Variants in CHP1 observed in about 807,000 individuals in gnomAD.
CHP1 encodes the protein calcineurin like EF-hand protein 1.
CHP1 carries 11 observed loss-of-function variants against 27.4 expected under a neutral mutation model. That is an observed-to-expected ratio of 0.40 (90% CI 0.25 to 0.67). The LOEUF is 0.67. CHP1 is among the 30% of genes least tolerant of loss of function. The pLI, the probability that CHP1 is intolerant of heterozygous loss-of-function variation, is 0.38. For missense variants in CHP1, 169 were observed against 251.3 expected (o/e 0.67, Z 2.22); for synonymous variants, 89 against 87.4 (o/e 1.02, Z -0.10).
chr15:41,232,321 C>T (rs2047252586), intron 1 of CHP1, among the ~76,000 whole-genome samples: 2 of 151,616 alleles, frequency 1.3e-5, no homozygotes, highest in African/African-American at 4.9e-5. Flanking sequence ...AGCAGTTCTC[C>T]TGCCTCAGCC....
At chr15:41,264,025 G>A (rs1595479738) in intron 4 of CHP1, 3 of 406,460 alleles carry the variant, frequency 7.4e-6, no homozygotes, top group Non-Finnish European at 1.4e-5. Flanking sequence ...CCGGCAGGAG[G>A]GTTGATTCTG....
chr15:41,241,055 G>C (rs1357188228), intron 1 of CHP1, among the ~76,000 whole-genome samples: 1 of 152,156 alleles, frequency 6.6e-6, no homozygotes, highest in Admixed American at 6.5e-5. Context: ...GTTTCGCCAT[G>C]TTGGCCAGGA....
chr15:41,262,886 A>G lies in CHP1; in HGVS notation c.349+3A>G. The G allele has an allele frequency of 6.2e-7, 1 of 1,613,212 alleles. No individual in the cohort carries two copies. Among genetic ancestry groups the G allele is most frequent in the Non-Finnish European group, 8.5e-7 (1 of 1,179,696 alleles). On this transcript the variant is annotated splice_donor_region_variant and intron_variant, in intron 4 of 6. Transcript: ENST00000334660. ...CAGCCGAAGCAACAAACTGCACTGT[A>G]AGGAGCTAAAGTCTTCTGGCTTAAA... is the stretch of plus-strand genomic sequence containing the variant.
intron 4 of CHP1, chr15:41,264,084 G>C: frequency 2.8e-6 from 2 of 708,886 alleles, no homozygotes; most frequent in Non-Finnish European, 4.3e-6. Context: ...CTCATAGTCT[G>C]TTTTATCCTA....
intron 1 of CHP1, among the ~76,000 whole-genome samples, chr15:41,235,338 G>A (rs145648905): frequency 8.2e-4 from 124 of 152,054 alleles, no homozygotes; most frequent in African/African-American, 2.9e-3. Context: ...GGCAACATAG[G>A]GAAACCCCAT....
At chr15:41,232,923 C>T (rs922722681) in intron 1 of CHP1, among the ~76,000 whole-genome samples, 1 of 152,170 alleles carries the variant, frequency 6.6e-6, no homozygotes, top group African/African-American at 2.4e-5. Flanking sequence ...TCTAGCCCCA[C>T]CCCTTTCTGG....
rs1395913468 is a variant in CHP1, at chr15:41,231,318, C to T, written c.-65C>T. ...TTGACCCCTAGCCCTTCCTTCCCTC[C>T]CTCCTTCCCTCCTGTCGCCGTCTCT... On this transcript the variant is annotated 5_prime_UTR_variant, in exon 1 of 7. Coordinates refer to ENST00000334660, the MANE Select transcript of CHP1 (RefSeq NM_007236.5). 6.8e-7 allele frequency: 1 copy of T among 1,465,658 alleles called. No homozygotes were observed. Among genetic ancestry groups the T allele is most frequent in the African/African-American group, 1.4e-5 (1 of 71,694 alleles). 90.8% of individuals were successfully genotyped at this position (1,465,658 alleles called of 1,614,324 possible).
chr15:41,246,045 C>T (rs1019255477), intron 2 of CHP1, among the ~76,000 whole-genome samples: 1 of 152,016 alleles, frequency 6.6e-6, no homozygotes, highest in African/African-American at 2.4e-5. Context: ...TGTACCAGCA[C>T]CATTCGTTGA....
intron 2 of CHP1, among the ~76,000 whole-genome samples, chr15:41,249,751 C>T (rs2140929272): frequency 6.6e-6 from 1 of 152,018 alleles, no homozygotes; most frequent in Non-Finnish European, 1.5e-5. Context: ...AGATTACAGG[C>T]GTAAGCCACT....
chr15:41,270,442 T>C (rs2047482904), intron 4 of CHP1, 115 bp from the exon 5 acceptor site: 1 of 761,704 alleles, frequency 1.3e-6, no homozygotes, highest in Non-Finnish European at 2.2e-6. Context: ...CAATTGTTCT[T>C]GGAAAATCGA....
chr15:41,253,913 T>C (rs2047384779), intron 2 of CHP1, among the ~76,000 whole-genome samples: 1 of 151,622 alleles, frequency 6.6e-6, no homozygotes. Context: ...GCTTCCCAAG[T>C]AGCTGGGACT....
intron 1 of CHP1, among the ~76,000 whole-genome samples, chr15:41,233,248 T>C (rs1478163115): frequency 6.6e-6 from 1 of 151,982 alleles, no homozygotes; most frequent in Non-Finnish European, 1.5e-5. Context: ...TGTTAAAGAG[T>C]CACATGGAGA....
Position 41,231,352 on chromosome 15 carries a change from C to T in CHP1, c.-31C>T, listed in dbSNP as rs548757605. On this transcript the variant is annotated 5_prime_UTR_variant, in exon 1 of 7. Transcript: ENST00000334660. ...CTCCTGTCGCCGTCTCTTCTGGCGCCGCTGCTCCCGGAGGAGCTCCCGGCA... is the reference window on the plus strand; with the variant it reads ...CTCCTGTCGCCGTCTCTTCTGGCGCTGCTGCTCCCGGAGGAGCTCCCGGCA... 9.5e-6 allele frequency: 15 copies of T among 1,578,236 alleles called. No individual in the cohort carries two copies. The African/African-American group carries it at 2.0e-4, about 21-fold the overall frequency.
intron 3 of CHP1, among the ~76,000 whole-genome samples, chr15:41,259,794 C>T (rs1292125668): frequency 2.0e-5 from 3 of 152,068 alleles, no homozygotes; most frequent in Non-Finnish European, 4.4e-5. Flanking sequence ...CCTCTGTCTC[C>T]CAGGCTGGCA....
At chr15:41,249,736 T>TCCTGCCTTG (rs2047355631) in intron 2 of CHP1, among the ~76,000 whole-genome samples, 1 of 152,104 alleles carries the variant, frequency 6.6e-6, no homozygotes, top group Admixed American at 6.6e-5. Flanking sequence ...CCTCCCAAAG[T>TCCTGCCTTG]GCTAAGATTA....
Position 41,231,268 on chromosome 15 carries a change from A to T in CHP1, c.-115A>T. ...CCCCTGGGTTCCCTCCCGGGTCCGC[A>T]GTGGAAACACTGCCCTCTCCCTTCT... is the stretch of plus-strand genomic sequence containing the variant. On this transcript the variant is annotated 5_prime_UTR_variant, in exon 1 of 7. Transcript: ENST00000334660. The T allele has an allele frequency of 9.5e-7, 1 of 1,052,674 alleles. No homozygotes were observed. Among genetic ancestry groups the T allele is most frequent in the African/African-American group, 1.6e-5 (1 of 63,290 alleles). 65.2% of individuals were successfully genotyped at this position (1,052,674 alleles called of 1,614,324 possible).
rs1185448986 is a variant in CHP1 at position 41,280,537 on chromosome 15, CAG to C, written c.*1151_*1152del. The stretch of plus-strand genomic sequence containing the variant: ...TTTTTTTTTTTTTTTTTTTTTGAGA[CAG>C]AGTCTTGCTCTGTCACCCAGGCTGG... On this transcript the variant is annotated 3_prime_UTR_variant, in exon 7 of 7. Coordinates refer to ENST00000334660, the MANE Select transcript of CHP1 (RefSeq NM_007236.5). 1 of 94,968 alleles carries C rather than the reference CAG, an allele frequency of 1.1e-5. No homozygotes were observed. The highest frequency in any genetic ancestry group is 4.0e-5 in the African/African-American group (1 of 24,752). 5.9% of individuals were successfully genotyped at this position (94,968 alleles called of 1,614,324 possible).
At chr15:41,235,221 A>G (rs981330291) in intron 1 of CHP1, among the ~76,000 whole-genome samples, 4 of 151,772 alleles carry the variant, frequency 2.6e-5, no homozygotes, top group African/African-American at 9.7e-5. Flanking sequence ...GCTGTGAATT[A>G]CTTAAAACTT....
At position 41,279,472 on chromosome 15, in the gene CHP1, C is replaced by A. The variant is rs190703643; in HGVS notation, c.*83C>A. 6 of 1,116,476 alleles carry A rather than the reference C, an allele frequency of 5.4e-6. No individual in the cohort carries two copies. The East Asian group carries it at 7.2e-5, about 13-fold the overall frequency. 69.2% of individuals were successfully genotyped at this position (1,116,476 alleles called of 1,614,324 possible). A position where few individuals can be genotyped will look rare whatever the true frequency, so the allele number is the denominator to read the frequency against. ...CCTTCTACCAACTCCACCTCCACCC[C>A]CTCATTCCCCTTCTCCCAAAGTACT... On this transcript the variant is annotated 3_prime_UTR_variant, in exon 7 of 7. Transcript: ENST00000334660.
Sources: allele counts gnomAD v4.1 joint callset (sites outside exome capture counted in the v4.1 genomes callset), GRCh38; gene constraint gnomAD v4.1.1; transcripts MANE v1.5; gene names NCBI Gene and HGNC (gene_info 2026-07-23, HGNC 2026-07-21).